Variants in ABCA13 observed in about 807,000 individuals in gnomAD.
ABCA13 encodes the protein ATP-binding cassette sub-family A member 13.
Under a neutral mutation model 478.7 loss-of-function variants are expected in ABCA13, and 476 were observed. The ratio of observed to expected loss-of-function variants is 0.99; its 90% confidence interval spans 0.92 to 1.07. ABCA13 has a LOEUF of 1.07. Among genes scored for constraint, ABCA13 ranks in the 50% least tolerant of loss-of-function variants. ABCA13 has a pLI of 0.00. For synonymous variants in ABCA13, 2,252 were observed against 2,158.9 expected, an observed-to-expected ratio of 1.04 and a Z score of -1.20; for missense variants, 6,060 against 5,910.6, an observed-to-expected ratio of 1.03 and a Z score of -0.83.
At chr7:48,286,793 G>A (rs1247876302) in intron 19 of ABCA13, among the ~76,000 whole-genome samples, 2 of 152,108 alleles carry the variant, frequency 1.3e-5, no homozygotes, top group Non-Finnish European at 2.9e-5. Flanking sequence ...GTGAGCCACC[G>A]TGCCTGGCTC....
intron 23 of ABCA13, 135 bp from the exon 24 acceptor site, chr7:48,309,812 C>G (rs979825867): frequency 1.1e-6 from 1 of 892,742 alleles, no homozygotes; most frequent in Non-Finnish European, 1.7e-6. Flanking sequence ...TTGGGCTCCC[C>G]GCATCTGCAG....
chr7:48,274,858 T>C lies in ABCA13; in HGVS notation c.5192T>C (p.Leu1731Pro), dbSNP rs1796087155. The C allele has an allele frequency of 6.2e-7, 1 of 1,613,864 alleles. No homozygotes were observed. The change falls in exon 17 of 62, where the codon CTC (leucine) becomes CCC (proline). Residue 1731 changes from leucine to proline, a missense_variant. By Grantham distance (98) the Leu-to-Pro change is moderately conservative. Around this residue, in one of 3 missense-constraint regions of ABCA13, gnomAD observed 4,423 missense variants for 4,309.1 expected, o/e 1.03. Coordinates refer to ENST00000435803, the MANE Select transcript of ABCA13 (RefSeq NM_152701.5). ...TGGAATGTTAATCATCTGCTGCAGC[T>C]CTCACGCCTGTTTCCTAAAGATGTT... ...HSWNVNHLLQ[L>P]SRLFPKDVVD...
intron 57 of ABCA13, among the ~76,000 whole-genome samples, chr7:48,593,938 G>A (rs1459166004): frequency 6.6e-6 from 1 of 151,966 alleles, no homozygotes; most frequent in African/African-American, 2.4e-5. Context: ...CCTTGTGGAT[G>A]TATGTCATGA....
chr7:48,404,136 A>G (rs1054763623), intron 39 of ABCA13: 4 of 407,324 alleles, frequency 9.8e-6, no homozygotes, highest in Non-Finnish European at 1.9e-5. Context: ...ACATTATCAT[A>G]CATGATTTCA....
At chr7:48,248,179 C>A in intron 13 of ABCA13, 60 bp from the exon 14 acceptor site, 1 of 1,439,912 alleles carries the variant, frequency 6.9e-7, no homozygotes, top group Non-Finnish European at 9.5e-7. Context: ...GGCTGCGTCT[C>A]AAATACCCAC....
At chr7:48,593,885 CT>C (rs950882567) in intron 57 of ABCA13, among the ~76,000 whole-genome samples, 9 of 152,058 alleles carry the variant, frequency 5.9e-5, no homozygotes, top group Non-Finnish European at 1.5e-5. Flanking sequence ...TAGGCCCACT[CT>C]TTCCCAGTCC....
intron 3 of ABCA13, among the ~76,000 whole-genome samples, chr7:48,203,112 A>C (rs898927294): frequency 6.6e-6 from 1 of 152,172 alleles, no homozygotes; most frequent in African/African-American, 2.4e-5. Context: ...GTGGGCCGGC[A>C]CTGCTGGGGA....
intron 45 of ABCA13, among the ~76,000 whole-genome samples, chr7:48,477,370 G>C (rs976546277): frequency 6.6e-6 from 1 of 152,060 alleles, no homozygotes; most frequent in Non-Finnish European, 1.5e-5. Context: ...TACCATTTGA[G>C]CCAGCCATCC....
At chr7:48,536,745 A>G (rs1278341282) in intron 55 of ABCA13, among the ~76,000 whole-genome samples, 1 of 151,946 alleles carries the variant, frequency 6.6e-6, no homozygotes, top group African/African-American at 2.4e-5. Context: ...GAGGTAGTTG[A>G]TTATCCACCT....
chr7:48,595,968 G>A (rs1790244801), intron 58 of ABCA13, among the ~76,000 whole-genome samples: 1 of 152,190 alleles, frequency 6.6e-6, no homozygotes, highest in Non-Finnish European at 1.5e-5. Flanking sequence ...TACCAGGAGT[G>A]AAATATAAAG....
chr7:48,489,378 C>T (rs1374218343), intron 48 of ABCA13, 34 bp downstream of exon 48: 19 of 1,486,756 alleles, frequency 1.3e-5, no homozygotes, highest in Non-Finnish European at 1.6e-5. Context: ...TAATTCACTA[C>T]TTTCAAAAGA....
chr7:48,510,097 A>G (rs1831544039), intron 50 of ABCA13, among the ~76,000 whole-genome samples: 1 of 152,246 alleles, frequency 6.6e-6, no homozygotes, highest in South Asian at 2.1e-4. Context: ...TAAAGCAGAG[A>G]AGATTGCTCC....
Position 48,219,465 on chromosome 7 carries a change from A to T in ABCA13, c.399A>T (p.Lys133Asn), listed in dbSNP as rs1157502175. The T allele has an allele frequency of 6.2e-7, 1 of 1,613,308 alleles. No homozygotes were observed. The highest frequency in any genetic ancestry group is 8.5e-7 in the Non-Finnish European group (1 of 1,179,650). ...EEIHGMMDKA[K>N]NLKRLWVERS... ...TTCATGGAATGATGGACAAGGCAAA[A>T]AACTTAAAAAGACTTTGGGTAGAAC... The change falls in exon 4 of 62, where the codon AAA becomes AAT. Residue 133 changes from lysine to asparagine, a missense_variant. Physicochemically the swap from Lys to Asn is moderately conservative, Grantham distance 94. Around this residue, in one of 3 missense-constraint regions of ABCA13, gnomAD observed 4,423 missense variants for 4,309.1 expected, o/e 1.03. Coordinates refer to ENST00000435803, the MANE Select transcript of ABCA13 (RefSeq NM_152701.5).
chr7:48,410,729 A>G (rs1818903748), intron 40 of ABCA13, 52 bp downstream of exon 40: 1 of 1,572,560 alleles, frequency 6.4e-7, no homozygotes, highest in African/African-American at 1.3e-5. Context: ...TGTCTGTGGC[A>G]TAAGAAACAA....
intron 41 of ABCA13, among the ~76,000 whole-genome samples, chr7:48,416,827 C>G (rs1368054302): frequency 6.6e-6 from 1 of 152,042 alleles, no homozygotes; most frequent in Non-Finnish European, 1.5e-5. Context: ...TCTGCCCCTT[C>G]CCCACTCTCT....
At chr7:48,566,254 G>C (rs1358165046) in intron 55 of ABCA13, among the ~76,000 whole-genome samples, 1 of 152,036 alleles carries the variant, frequency 6.6e-6, no homozygotes, top group Non-Finnish European at 1.5e-5. Flanking sequence ...TAAATAAAGG[G>C]GGAGAAACAG....
At chr7:48,307,691 A>T (rs1801110869) in intron 23 of ABCA13, among the ~76,000 whole-genome samples, 1 of 151,952 alleles carries the variant, frequency 6.6e-6, no homozygotes, top group African/African-American at 2.4e-5. Flanking sequence ...TTATTTATTT[A>T]TTTTTTTAAG....
chr7:48,333,948 C>A (rs1805809246), intron 27 of ABCA13, among the ~76,000 whole-genome samples: 1 of 152,168 alleles, frequency 6.6e-6, no homozygotes, highest in Non-Finnish European at 1.5e-5. Flanking sequence ...CAACCATTTG[C>A]CTGGCTATTC....
At chr7:48,408,792 C>T (rs546477597) in intron 39 of ABCA13, among the ~76,000 whole-genome samples, 25 of 152,130 alleles carry the variant, frequency 1.6e-4, no homozygotes, top group African/African-American at 4.3e-4. Flanking sequence ...TGCATTGCTC[C>T]GGTATTAAGC....
Sources: allele counts gnomAD v4.1 joint callset (sites outside exome capture counted in the v4.1 genomes callset), GRCh38; gene constraint gnomAD v4.1.1; regional missense constraint gnomAD v4.1.1; transcripts MANE v1.5; gene names NCBI Gene and HGNC (gene_info 2026-07-23, HGNC 2026-07-21).